ARHGAP32: variants seen among roughly 807,000 people sequenced by gnomAD.
ARHGAP32 encodes rho GTPase-activating protein 32.
In ARHGAP32, 51 loss-of-function variants were observed where a neutral mutation model predicts 186.5. The observed-to-expected ratio is 0.27, with a 90% CI of 0.22 to 0.35. ARHGAP32 has a LOEUF of 0.35. Ranked by LOEUF, ARHGAP32 falls within the 10% of genes least tolerant of loss-of-function variation. The pLI is 1.00. For synonymous variants in ARHGAP32, 950 were observed against 964.3 expected (o/e 0.99, Z 0.27); for missense variants, 2,186 against 2,623.5 (o/e 0.83, Z 3.64).
chr11:129,168,418 A>C (rs1316910124), intron 1 of ARHGAP32, among the ~76,000 whole-genome samples: 1 of 152,222 alleles, frequency 6.6e-6, no homozygotes, highest in Non-Finnish European at 1.5e-5. Context: ...GTATTACTAG[A>C]AATAAAGGGA....
At chr11:129,032,335 C>T (rs139291931) in intron 11 of ARHGAP32, among the ~76,000 whole-genome samples, 8 of 152,336 alleles carry the variant, frequency 5.3e-5, no homozygotes, top group Middle Eastern at 6.8e-3. Context: ...CACTCACCTG[C>T]GTGCTGCCCC....
chr11:128,970,378 G>A lies in ARHGAP32; in HGVS notation c.4835C>T (p.Pro1612Leu), dbSNP rs199714402. ...APPSSMIRSV[P>L]ISRTEVPPDD... ...TGGGGGAACTTCTGTCCGTGAAATG[G>A]GAACAGAGCGAATCATGGAAGACGG... The change falls in exon 23 of 23, where the codon CCC becomes CTC. Residue 1612 changes from proline (P) to leucine (L), a missense_variant. Around this residue, in one of 5 missense-constraint regions of ARHGAP32, gnomAD observed 1,502 missense variants for 1,570.0 expected, o/e 0.96. Coordinates refer to ENST00000682385, the MANE Select transcript of ARHGAP32 (RefSeq NM_001378024.1). This position sits in a 1 kb window ranked among gnomAD's most constrained non-coding sequence, Gnocchi z 5.8. The A allele has an allele frequency of 5.0e-6, 8 of 1,614,198 alleles. No homozygotes were observed. The East Asian group carries it at 1.3e-4, about 27-fold the overall frequency.
At chr11:129,276,999 A>T (rs1214128439) in intron 1 of ARHGAP32, among the ~76,000 whole-genome samples, 3 of 152,230 alleles carry the variant, frequency 2.0e-5, no homozygotes, top group Non-Finnish European at 4.4e-5. Context: ...ATTCTCAAGA[A>T]TATTAGTCTT....
At chr11:129,092,960 C>A (rs948792982) in intron 6 of ARHGAP32, among the ~76,000 whole-genome samples, 15 of 152,052 alleles carry the variant, frequency 9.9e-5, no homozygotes, top group African/African-American at 3.4e-4. Context: ...TAAGTGCTTA[C>A]ATGATGGGGG....
At chr11:129,132,547 C>A (rs1433472664) in intron 2 of ARHGAP32, among the ~76,000 whole-genome samples, 1 of 151,712 alleles carries the variant, frequency 6.6e-6, no homozygotes, top group African/African-American at 2.4e-5. Context: ...GAAAACACCA[C>A]CTATAAAAAT....
chr11:129,238,273 TA>T (rs1944963735), intron 1 of ARHGAP32, among the ~76,000 whole-genome samples: 1 of 152,182 alleles, frequency 6.6e-6, no homozygotes, highest in Non-Finnish European at 1.5e-5. Flanking sequence ...CTAACTCTTA[TA>T]CCCTCCCAGG....
At chr11:129,026,714 T>C (rs1315342787) in intron 11 of ARHGAP32, among the ~76,000 whole-genome samples, 2 of 148,456 alleles carry the variant, frequency 1.3e-5, no homozygotes, top group Non-Finnish European at 3.0e-5. Flanking sequence ...AGCAGGAGAA[T>C]TGCTTGAACC....
chr11:129,176,845 A>G (rs1324530397), intron 1 of ARHGAP32, among the ~76,000 whole-genome samples: 2 of 152,192 alleles, frequency 1.3e-5, no homozygotes, highest in Non-Finnish European at 1.5e-5. Flanking sequence ...GAAAGATCCA[A>G]CATCGACACC....
chr11:129,236,362 T>C (rs1407048912), intron 1 of ARHGAP32, among the ~76,000 whole-genome samples: 1 of 152,166 alleles, frequency 6.6e-6, no homozygotes, highest in Non-Finnish European at 1.5e-5. Context: ...GACATTTGTA[T>C]ACCTTCTTTT....
At position 129,027,297 on chromosome 11, in the gene ARHGAP32, A is replaced by G. The variant is rs193225960; in HGVS notation, c.1045+13631T>C. On this transcript the variant is annotated intron_variant, in intron 11 of 22. Transcript: ENST00000682385. ...ACTGCCAGCCCCTCTTCTTCTACCT[A>G]TCTCTGCCTTTCCTCTTAACACAGC... Among the ~76,000 whole-genome samples, 220 of 152,128 alleles carry G rather than the reference A, an allele frequency of 1.4e-3. 2 individuals are homozygous for G. Among genetic ancestry groups the G allele is most frequent in the Admixed American group, 0.013 (196 of 15,264 alleles).
At chr11:129,251,696 T>TG (rs911100172) in intron 1 of ARHGAP32, among the ~76,000 whole-genome samples, 10 of 150,150 alleles carry the variant, frequency 6.7e-5, no homozygotes, top group Middle Eastern at 3.5e-3. Context: ...GAGGCCGAGG[T>TG]GGGGGGATCA....
At chr11:129,144,323 TACAC>T (rs1214348295) in intron 2 of ARHGAP32, among the ~76,000 whole-genome samples, 1 of 152,154 alleles carries the variant, frequency 6.6e-6, no homozygotes, top group Non-Finnish European at 1.5e-5. Flanking sequence ...TTATTTAAAA[TACAC>T]AGACACTTTC....
rs559239937 is a variant in ARHGAP32, at chr11:128,986,202, C to G, written c.1444-117G>C. The G allele has an allele frequency of 5.1e-6, 4 of 778,238 alleles. No homozygotes were observed. The African/African-American group carries it at 7.1e-5, about 14-fold the overall frequency. The allele number at this position is 778,238 out of a possible 1,614,324, so 48.2% of individuals were successfully genotyped here. On this transcript the variant is annotated intron_variant, in intron 14 of 22. Coordinates refer to ENST00000682385, the MANE Select transcript of ARHGAP32 (RefSeq NM_001378024.1). Reference sequence around the variant, plus strand: ...TGCTTTGCTCTTGGATGTGAAATGGCGAGGAAACACAACATTGTATTCAGG... The same window carrying G: ...TGCTTTGCTCTTGGATGTGAAATGGGGAGGAAACACAACATTGTATTCAGG...
At chr11:129,267,111 C>CA (rs1945412289) in intron 1 of ARHGAP32, among the ~76,000 whole-genome samples, 1 of 152,138 alleles carries the variant, frequency 6.6e-6, no homozygotes, top group African/African-American at 2.4e-5. Flanking sequence ...AAAACAAACT[C>CA]AGAGTTGGGA....
At chr11:129,241,522 T>C (rs1470421794) in intron 1 of ARHGAP32, among the ~76,000 whole-genome samples, 4 of 152,060 alleles carry the variant, frequency 2.6e-5, no homozygotes, top group Admixed American at 2.6e-4. Flanking sequence ...GGCGCACATC[T>C]GTAGTCTCAG....
intron 5 of ARHGAP32, among the ~76,000 whole-genome samples, chr11:129,109,515 GC>G (rs1183504536): frequency 3.3e-5 from 5 of 151,964 alleles, no homozygotes; most frequent in African/African-American, 1.2e-4. Context: ...TTTAAATAGT[GC>G]TTGTACTCAT....
chr11:129,112,584 T>C (rs534724802), intron 5 of ARHGAP32, among the ~76,000 whole-genome samples: 159 of 152,308 alleles, frequency 1.0e-3, no homozygotes, highest in Admixed American at 1.6e-3. Flanking sequence ...ATATCCTTTC[T>C]TCTCAGTGAT....
intron 11 of ARHGAP32, among the ~76,000 whole-genome samples, chr11:129,005,309 A>G (rs1171811887): frequency 3.9e-5 from 6 of 152,172 alleles, no homozygotes; most frequent in African/African-American, 9.6e-5. Context: ...AGTTAGTGTT[A>G]TAATATTCCA....
At chr11:129,106,452 A>T (rs988883582) in intron 5 of ARHGAP32, among the ~76,000 whole-genome samples, 1 of 152,182 alleles carries the variant, frequency 6.6e-6, no homozygotes, top group Non-Finnish European at 1.5e-5. Context: ...GTTCTCACTC[A>T]TAAGTCGGAG....
Sources: gnomAD v4.1 joint callset for allele counts (sites outside exome capture counted in the v4.1 genomes callset) on GRCh38, gnomAD v4.1.1 for gene constraint, gnomAD v4.1.1 regional missense constraint, Gnocchi (gnomAD v3.1) non-coding constraint, MANE v1.5 for transcripts, NCBI Gene and HGNC (gene_info 2026-07-23, HGNC 2026-07-21) for gene names.